ARHGAP32: variants seen among roughly 807,000 people sequenced by gnomAD.
ARHGAP32 encodes rho GTPase-activating protein 32.
ARHGAP32 carries 51 observed loss-of-function variants against 186.5 expected under a neutral mutation model. The ratio of observed to expected loss-of-function variants is 0.27; its 90% CI spans 0.22 to 0.35. The LOEUF is 0.35. Ranked by LOEUF, ARHGAP32 falls within the 10% of genes least tolerant of loss-of-function variation. The pLI, the probability that ARHGAP32 is intolerant of heterozygous loss-of-function variation, is 1.00. For missense variants in ARHGAP32, 2,186 were observed against 2,623.5 expected (o/e 0.83, Z 3.64); for synonymous variants, 950 against 964.3 (o/e 0.99, Z 0.27).
In ARHGAP32 at chr11:128,969,540, G is replaced by T. The variant is rs151263470; in HGVS notation, c.5673C>A (p.His1891Gln). The change falls in exon 23 of 23, where the codon CAC (histidine) becomes CAA (glutamine). Residue 1891 changes from histidine to glutamine, a missense_variant. His to Gln is a conservative substitution (Grantham distance 24). Transcript: ENST00000682385. The surrounding 1 kb of genome is among the most constrained non-coding windows in gnomAD (Gnocchi z 4.8). ...LPDMGCSLPE[H>Q]RAHQEASHRQ... Reference sequence around the variant, plus strand: ...TATGGCTTGCTTCTTGGTGTGCCCTGTGCTCAGGAAGACTGCAGCCCATGT... The same window carrying T: ...TATGGCTTGCTTCTTGGTGTGCCCTTTGCTCAGGAAGACTGCAGCCCATGT... The T allele has an allele frequency of 1.6e-5, 26 of 1,614,032 alleles. No individual in the cohort carries two copies. The highest frequency in any genetic ancestry group is 1.7e-5 in the Non-Finnish European group (20 of 1,180,036).
intron 11 of ARHGAP32, among the ~76,000 whole-genome samples, chr11:129,002,805 A>ATTTTTTTTTTTTTT (rs36036048): frequency 9.3e-6 from 1 of 108,070 alleles, no homozygotes; most frequent in Non-Finnish European, 1.8e-5. Context: ...AGGGATGTTG[A>ATTTTTTTTTTTTTT]TTTTTTTTTT....
At chr11:129,253,068 G>A (rs1176651013) in intron 1 of ARHGAP32, among the ~76,000 whole-genome samples, 1 of 152,178 alleles carries the variant, frequency 6.6e-6, no homozygotes, top group African/African-American at 2.4e-5. Context: ...ACTGGAGATG[G>A]AGAGAGGCAG....
At chr11:129,187,626 TTG>T (rs1479842112) in intron 1 of ARHGAP32, among the ~76,000 whole-genome samples, 3 of 152,174 alleles carry the variant, frequency 2.0e-5, no homozygotes, top group Admixed American at 2.0e-4. Flanking sequence ...TTATTACACA[TTG>T]TGTGCCTATA....
chr11:129,252,142 T>C (rs893340702), intron 1 of ARHGAP32, among the ~76,000 whole-genome samples: 7 of 152,196 alleles, frequency 4.6e-5, no homozygotes, highest in African/African-American at 1.7e-4. Flanking sequence ...ACTTTACATC[T>C]ACAGTATACT....
At chr11:129,068,690 T>G (rs1456116074) in intron 6 of ARHGAP32, among the ~76,000 whole-genome samples, 1 of 152,106 alleles carries the variant, frequency 6.6e-6, no homozygotes, top group Admixed American at 6.6e-5. Context: ...GATTTCTTTT[T>G]GTATGAATTG....
chr11:129,276,276 G>A lies in ARHGAP32; in HGVS notation c.-5+2870C>T, dbSNP rs77149737. 2.2e-3 allele frequency among the ~76,000 whole-genome samples: 328 copies of A among 151,448 alleles called. 6 individuals carry two copies. In the East Asian group the frequency reaches 0.06, roughly 28 times the overall value. On this transcript the variant is annotated intron_variant, in intron 1 of 6. Coordinates refer to the ARHGAP32 transcript ENST00000525234. ...TTTGGAACTAGAAGAAATCTAACAC[G>A]TTCTCATTCCTTATCTGTTTTTGTT...
intron 12 of ARHGAP32, among the ~76,000 whole-genome samples, chr11:128,994,911 A>G (rs926523185): frequency 5.3e-5 from 8 of 152,162 alleles, no homozygotes; most frequent in Non-Finnish European, 8.8e-5. Flanking sequence ...TCTAGCTCCT[A>G]AAGTTTACTG....
intron 1 of ARHGAP32, among the ~76,000 whole-genome samples, chr11:129,206,525 T>TAA (rs1944516067): frequency 1.3e-5 from 2 of 152,170 alleles, no homozygotes; most frequent in Admixed American, 1.3e-4. Context: ...TGATTTTTTC[T>TAA]TTTTTTAAAT....
intron 5 of ARHGAP32, among the ~76,000 whole-genome samples, chr11:129,094,736 T>C (rs1304257013): frequency 6.6e-6 from 1 of 152,184 alleles, no homozygotes; most frequent in Non-Finnish European, 1.5e-5. Context: ...CTTTACTCAC[T>C]TATGTTACAC....
At chr11:129,269,228 A>G (rs1438043095) in intron 1 of ARHGAP32, among the ~76,000 whole-genome samples, 1 of 152,126 alleles carries the variant, frequency 6.6e-6, no homozygotes, top group East Asian at 1.9e-4. Context: ...CTGAGATCGC[A>G]CCACTGCACT....
chr11:129,145,795 G>A (rs367708559), intron 2 of ARHGAP32, among the ~76,000 whole-genome samples: 10 of 151,992 alleles, frequency 6.6e-5, no homozygotes, highest in East Asian at 1.9e-4. Flanking sequence ...TCTCAGTAAC[G>A]TATTAAATAA....
chr11:129,231,779 C>G (rs1221212263), intron 1 of ARHGAP32, among the ~76,000 whole-genome samples: 1 of 151,996 alleles, frequency 6.6e-6, no homozygotes, highest in African/African-American at 2.4e-5. Context: ...AATCCTAGCA[C>G]TTTGGGAGGC....
chr11:129,055,787 A>G (rs1940227119), intron 10 of ARHGAP32, among the ~76,000 whole-genome samples: 3 of 152,242 alleles, frequency 2.0e-5, no homozygotes, highest in Admixed American at 6.5e-5. Context: ...AAATAGGAGA[A>G]GCACAGGAGA....
chr11:129,055,704 A>C (rs1940222982), intron 10 of ARHGAP32, among the ~76,000 whole-genome samples: 1 of 152,226 alleles, frequency 6.6e-6, no homozygotes, highest in African/African-American at 2.4e-5. Context: ...ATACGATTCC[A>C]ACAATACGGA....
chr11:129,271,528 T>G (rs1945472246), intron 1 of ARHGAP32, among the ~76,000 whole-genome samples: 3 of 151,920 alleles, frequency 2.0e-5, no homozygotes, highest in Admixed American at 6.6e-5. Flanking sequence ...GCCTTTGAGG[T>G]ATCCATTAGA....
intron 19 of ARHGAP32, among the ~76,000 whole-genome samples, chr11:128,978,116 T>C (rs566347857): frequency 6.6e-6 from 1 of 152,202 alleles, no homozygotes; most frequent in African/African-American, 2.4e-5. Context: ...CTACCCTAAT[T>C]TTCTATCTGC....
intron 11 of ARHGAP32, among the ~76,000 whole-genome samples, chr11:129,035,623 G>A (rs1028102050): frequency 9.9e-5 from 15 of 152,072 alleles, no homozygotes; most frequent in Non-Finnish European, 1.8e-4. Context: ...CAAGGCAGGC[G>A]GATCACTTGA....
intron 1 of ARHGAP32, among the ~76,000 whole-genome samples, chr11:129,173,705 A>C (rs1385095851): frequency 6.6e-6 from 1 of 152,218 alleles, no homozygotes; most frequent in African/African-American, 2.4e-5. Context: ...ATATGATTTC[A>C]ATAGGTGAAA....
chr11:129,130,773 T>C (rs540011219), intron 2 of ARHGAP32, among the ~76,000 whole-genome samples: 1 of 152,280 alleles, frequency 6.6e-6, no homozygotes, highest in East Asian at 1.9e-4. Flanking sequence ...ATTTGGGAAA[T>C]TGTATGATAA....
Sources: allele counts gnomAD v4.1 joint callset (sites outside exome capture counted in the v4.1 genomes callset), GRCh38; gene constraint gnomAD v4.1.1; non-coding constraint Gnocchi (gnomAD v3.1); transcripts MANE v1.5; gene names NCBI Gene and HGNC (gene_info 2026-07-23, HGNC 2026-07-21).